Variants in DPYD observed in about 807,000 individuals in gnomAD.
The protein encoded by DPYD is dihydropyrimidine dehydrogenase [NADP(+)].
DPYD carries 109 observed loss-of-function variants against 116.2 expected under a neutral mutation model. That is an observed-to-expected ratio of 0.94 (90% CI 0.80 to 1.10). The LOEUF (loss-of-function observed/expected upper bound fraction) is 1.10. Ranked by LOEUF, DPYD falls within the 50% of genes least tolerant of loss-of-function variation. The pLI is 0.00. For missense variants in DPYD, 1,302 were observed against 1,254.5 expected (o/e 1.04, Z -0.57); for synonymous variants, 440 against 432.0 (o/e 1.02, Z -0.23).
chr1:97,893,644 A>C lies in DPYD; in HGVS notation c.40-10270T>G, dbSNP rs116492288. Among the ~76,000 whole-genome samples, 547 of 151,550 alleles carry C rather than the reference A, an allele frequency of 3.6e-3. 7 individuals carry two copies. The highest frequency in any genetic ancestry group is 0.013 in the African/African-American group (529 of 41,434). ...ACTGAAAATAAATGAATCCCTTCAG[A>C]ATGCTCATCATATCGCCTGGAATAT... On this transcript the variant is annotated intron_variant, in intron 1 of 22. Transcript: ENST00000370192.
At chr1:97,098,155 A>G (rs1403604404) in intron 21 of DPYD, among the ~76,000 whole-genome samples, 5 of 152,130 alleles carry the variant, frequency 3.3e-5, no homozygotes, top group South Asian at 2.1e-4. Context: ...CTAATACAAG[A>G]TATCTTGGAG....
At chr1:97,592,520 C>T (rs1363160642) in intron 10 of DPYD, among the ~76,000 whole-genome samples, 3 of 152,266 alleles carry the variant, frequency 2.0e-5, no homozygotes, top group Non-Finnish European at 4.4e-5. Context: ...GCGCCCACCA[C>T]CACGCCCGGC....
At chr1:97,343,645 G>T (rs1322167483) in intron 16 of DPYD, among the ~76,000 whole-genome samples, 1 of 151,992 alleles carries the variant, frequency 6.6e-6, no homozygotes. Flanking sequence ...TCATGCAGAG[G>T]TTACCAGCTA....
intron 10 of DPYD, among the ~76,000 whole-genome samples, chr1:97,578,628 G>A (rs577481857): frequency 6.6e-6 from 1 of 152,114 alleles, no homozygotes; most frequent in African/African-American, 2.4e-5. Flanking sequence ...AATAACAACT[G>A]TAGTATATTT....
chr1:97,412,245 C>T (rs1674044602), intron 14 of DPYD, among the ~76,000 whole-genome samples: 1 of 152,144 alleles, frequency 6.6e-6, no homozygotes, highest in Non-Finnish European at 1.5e-5. Context: ...AAACTTGACG[C>T]ATTTTGAAGA....
chr1:97,686,399 G>A (rs1210767570), intron 7 of DPYD, among the ~76,000 whole-genome samples: 2 of 151,972 alleles, frequency 1.3e-5, no homozygotes, highest in Non-Finnish European at 1.5e-5. Flanking sequence ...CACTTTGGGA[G>A]GCCGAGGCGG....
intron 18 of DPYD, among the ~76,000 whole-genome samples, chr1:97,278,556 C>T (rs1454310618): frequency 1.3e-5 from 2 of 152,088 alleles, no homozygotes; most frequent in African/African-American, 2.4e-5. Context: ...TGCAATTATG[C>T]CAAATACCTG....
intron 18 of DPYD, among the ~76,000 whole-genome samples, chr1:97,282,545 T>C (rs867551307): frequency 6.6e-6 from 1 of 152,122 alleles, no homozygotes; most frequent in Non-Finnish European, 1.5e-5. Flanking sequence ...AATTTACTAG[T>C]ATAAAATTTT....
chr1:97,697,704 A>G (rs1270639532), intron 6 of DPYD, among the ~76,000 whole-genome samples: 1 of 152,056 alleles, frequency 6.6e-6, no homozygotes, highest in African/African-American at 2.4e-5. Flanking sequence ...CAGCAAATAA[A>G]TTTAAAAAAA....
In DPYD at chr1:97,842,539, G is replaced by A. The variant is rs148225352; in HGVS notation, c.151-14343C>T. Among the ~76,000 whole-genome samples the A allele has an allele frequency of 1.4e-4, 21 of 151,946 alleles. No individual in the cohort carries two copies. In the East Asian group the frequency reaches 4.1e-3, roughly 29 times the overall value. On this transcript the variant is annotated intron_variant, in intron 2 of 22. Coordinates refer to ENST00000370192, the MANE Select transcript of DPYD (RefSeq NM_000110.4). Reference sequence around the variant, plus strand: ...TCAATGCTTTCTACAATTCATACAGGAACTTATGTTGCATAATGATTCTAC... The same window carrying A: ...TCAATGCTTTCTACAATTCATACAGAAACTTATGTTGCATAATGATTCTAC...
chr1:97,874,325 A>G (rs1039429702), intron 2 of DPYD, among the ~76,000 whole-genome samples: 1 of 151,986 alleles, frequency 6.6e-6, no homozygotes, highest in African/African-American at 2.4e-5. Context: ...ATACTCAAAA[A>G]TGCTTTGTGT....
chr1:97,236,271 G>T (rs954114068), intron 18 of DPYD, among the ~76,000 whole-genome samples: 1 of 152,058 alleles, frequency 6.6e-6, no homozygotes, highest in African/African-American at 2.4e-5. Flanking sequence ...CACGTGGTGA[G>T]TTCTTTGTCA....
chr1:97,883,918 T>G (rs1437856619), intron 1 of DPYD: 2 of 443,356 alleles, frequency 4.5e-6, no homozygotes, highest in Admixed American at 5.8e-5. Context: ...AGGAATCCTA[T>G]ATTTGGTTTT....
chr1:97,516,000 T>G, intron 12 of DPYD, 59 bp from the exon 13 acceptor site: 1 of 1,504,936 alleles, frequency 6.6e-7, no homozygotes, highest in Non-Finnish European at 9.2e-7. Flanking sequence ...CATATAATAT[T>G]TTACCAAAAA....
intron 16 of DPYD, among the ~76,000 whole-genome samples, chr1:97,330,059 T>C (rs541742546): frequency 8.5e-5 from 13 of 152,218 alleles, no homozygotes; most frequent in African/African-American, 3.1e-4. Context: ...TATATAATCC[T>C]AATATACAAG....
intron 15 of DPYD, among the ~76,000 whole-genome samples, chr1:97,379,774 T>C (rs1157204029): frequency 6.6e-6 from 1 of 152,058 alleles, no homozygotes; most frequent in East Asian, 1.9e-4. Context: ...CCCTACGGAG[T>C]GAAATGGGGC....
At chr1:97,306,071 A>C (rs1215758070) in intron 17 of DPYD, 106 bp downstream of exon 17, 3 of 1,577,344 alleles carry the variant, frequency 1.9e-6, no homozygotes, top group Non-Finnish European at 2.6e-6. Context: ...TAAAATTGAG[A>C]CAAAAAATAT....
intron 2 of DPYD, among the ~76,000 whole-genome samples, chr1:97,875,195 C>A (rs1328328545): frequency 6.6e-6 from 1 of 151,850 alleles, no homozygotes; most frequent in Non-Finnish European, 1.5e-5. Flanking sequence ...GCCTAGATGA[C>A]AAAGTGATTA....
At chr1:97,155,064 G>A (rs1655338213) in intron 20 of DPYD, among the ~76,000 whole-genome samples, 1 of 152,162 alleles carries the variant, frequency 6.6e-6, no homozygotes, top group African/African-American at 2.4e-5. Context: ...CTCAAGACCC[G>A]GTGGTGGGGT....
Sources: allele counts gnomAD v4.1 joint callset (sites outside exome capture counted in the v4.1 genomes callset), GRCh38; gene constraint gnomAD v4.1.1; transcripts MANE v1.5; gene names NCBI Gene and HGNC (gene_info 2026-07-23, HGNC 2026-07-21).